Variants in WFIKKN2 observed in about 807,000 individuals in gnomAD.
The protein encoded by WFIKKN2 is WAP, follistatin/kazal, immunoglobulin, kunitz and netrin domain containing 2, also known as WAP, Kazal, immunoglobulin, Kunitz and NTR domain-containing protein 2.
WFIKKN2 carries 25 observed loss-of-function variants against 39.2 expected under a neutral mutation model. That is an observed-to-expected ratio of 0.64 (90% CI 0.47 to 0.89). The LOEUF (loss-of-function observed/expected upper bound fraction) is 0.89, where lower values mean the gene tolerates loss of function less well. Among genes scored for constraint, WFIKKN2 ranks in the 40% least tolerant of loss-of-function variants. The probability of loss-of-function intolerance (pLI) is 0.00; values close to 1 mark genes in which losing one functional copy is unlikely to be tolerated. For missense variants in WFIKKN2, 770 were observed against 811.7 expected (o/e 0.95, Z 0.62); for synonymous variants, 345 against 329.7 (o/e 1.05, Z -0.50).
chr17:50,838,771 G>A (rs946127810), intron 1 of WFIKKN2, among the ~76,000 whole-genome samples: 6 of 152,118 alleles, frequency 3.9e-5, no homozygotes, highest in Admixed American at 2.0e-4. Flanking sequence ...GGCCCGTCAC[G>A]CCTGCCCTGA....
In WFIKKN2 at chr17:50,836,008, T is replaced by G; in HGVS notation, c.71T>G (p.Leu24Arg). 6.2e-7 allele frequency: 1 copy of G among 1,604,164 alleles called. No individual in the cohort carries two copies. The change falls in exon 1 of 2, where the codon CTA (leucine) becomes CGA (arginine). Residue 24 changes from leucine (L) to arginine (R), a missense_variant. Physicochemically the swap from Leu to Arg is moderately radical, Grantham distance 102. Coordinates refer to ENST00000311378, the MANE Select transcript of WFIKKN2 (RefSeq NM_175575.6). ...GTGGCAGCGCTGCTGCTGCTGCTGC[T>G]ACTGCTCGGGGTGCCCCCGCGAAGC... is the stretch of plus-strand genomic sequence containing the variant. Reference protein sequence around the residue: ...EQVAALLLLLLLLGVPPRSLA... With the variant: ...EQVAALLLLLRLLGVPPRSLA...
In WFIKKN2 at chr17:50,840,612, A is replaced by C; in HGVS notation, c.1324A>C (p.Asn442His). The change falls in exon 2 of 2, where the codon AAC becomes CAC. Residue 442 changes from asparagine to histidine, a missense_variant. By Grantham distance (68) the Asn-to-His change is moderately conservative (BLOSUM62 1). Transcript: ENST00000311378. ...CEESCPFPRG[N>H]QRCRACKPRQ... ...GGAGTCGTGCCCCTTCCCCAGGGGG[A>C]ACCAGCGCTGTCGGGCCTGCAAGCC... 1 of 1,613,972 alleles carries C rather than the reference A, an allele frequency of 6.2e-7. No individual in the cohort carries two copies. The highest frequency in any genetic ancestry group is 8.5e-7 in the Non-Finnish European group (1 of 1,180,022).
rs1195392013 is a variant in WFIKKN2, at chr17:50,840,414, C to T, written c.1126C>T (p.Leu376=). 2 of 1,613,946 alleles carry T rather than the reference C, an allele frequency of 1.2e-6. No homozygotes were observed. The highest frequency in any genetic ancestry group is 2.7e-5 in the African/African-American group (2 of 74,948). ...NHFETYEACM[L]ACMSGPLAAC... ...CTTTGAGACCTATGAGGCCTGCATG[C>T]TGGCCTGCATGAGCGGGCCGCTGGC... Residue 376 remains leucine (L), a synonymous_variant, in exon 2 of 2, where the codon CTG becomes TTG. Coordinates refer to ENST00000311378, the MANE Select transcript of WFIKKN2 (RefSeq NM_175575.6).
rs761369901 is a variant in WFIKKN2, at chr17:50,840,009, A to G, written c.721A>G (p.Ile241Val). The G allele has an allele frequency of 2.5e-6, 4 of 1,614,246 alleles. No homozygotes were observed. The South Asian group carries it at 3.3e-5, about 13-fold the overall frequency. ...TGTGGTGGGCCGGCCCCGGCCTGAG[A>G]TCACCTGGGAGAAGCAGTTGGAGGA... ...CDVVGRPRPE[I>V]TWEKQLEDRE... Residue 241 changes from isoleucine (I) to valine (V), a missense_variant, in exon 2 of 2, where the codon ATC becomes GTC. Ile to Val is a conservative substitution (Grantham distance 29). Coordinates refer to ENST00000311378, the MANE Select transcript of WFIKKN2 (RefSeq NM_175575.6).
Position 50,841,179 on chromosome 17 carries a change from A to C in WFIKKN2, c.*160A>C. 2.9e-6 allele frequency: 2 copies of C among 692,052 alleles called. No individual in the cohort carries two copies. The highest frequency in any genetic ancestry group is 2.3e-6 in the Non-Finnish European group (1 of 441,534). The allele number at this position is 692,052 out of a possible 1,614,324, so 42.9% of individuals were successfully genotyped here. A position where few individuals can be genotyped will look rare whatever the true frequency, so the allele number is the denominator to read the frequency against. ...AAGCCACAGAAGGTCTCAGATCAGC[A>C]TCTATTCTTTGGGTTCAATAAGGGG... On this transcript the variant is annotated 3_prime_UTR_variant, in exon 2 of 2. Coordinates refer to ENST00000311378, the MANE Select transcript of WFIKKN2 (RefSeq NM_175575.6).
In WFIKKN2 at chr17:50,840,386, C is replaced by A. The variant is rs756821685; in HGVS notation, c.1098C>A (p.Asn366Lys). 6.2e-7 allele frequency: 1 copy of A among 1,614,170 alleles called. No homozygotes were observed. ...TCGGCCACTGCCACCGTAACCTCAA[C>A]CACTTTGAGACCTATGAGGCCTGCA... ...FTFGHCHRNLNHFETYEACML... is the reference protein window; with the variant it reads ...FTFGHCHRNLKHFETYEACML... The change falls in exon 2 of 2, where the codon AAC becomes AAA. Residue 366 changes from asparagine to lysine, a missense_variant. Asn to Lys is a moderately conservative substitution (Grantham distance 94). Coordinates refer to ENST00000311378, the MANE Select transcript of WFIKKN2 (RefSeq NM_175575.6).
chr17:50,836,178 C>A, intron 1 of WFIKKN2, 31 bp downstream of exon 1: 1 of 1,601,708 alleles, frequency 6.2e-7, no homozygotes, highest in South Asian at 1.1e-5. Flanking sequence ...AGAGATGGAC[C>A]ACGTGAGCCT....
chr17:50,839,448 C>CCCTCCTTT (rs1346170934), intron 1 of WFIKKN2, 51 bp from the exon 2 acceptor site: 6 of 1,528,656 alleles, frequency 3.9e-6, no homozygotes, highest in Non-Finnish European at 5.3e-6. Flanking sequence ...GATAGGGAGC[C>CCCTCCTTT]CCTCCTTTCC....
Position 50,841,342 on chromosome 17 carries a change from C to T in WFIKKN2, c.*323C>T, listed in dbSNP as rs1027260484. ...ACCCCTGGCTCTCCCAGTCACCCTCCCCTAGCCAGTCTCCCAGCAAGGGTT... is the reference window on the plus strand; with the variant it reads ...ACCCCTGGCTCTCCCAGTCACCCTCTCCTAGCCAGTCTCCCAGCAAGGGTT... On this transcript the variant is annotated 3_prime_UTR_variant, in exon 2 of 2. Transcript: ENST00000311378. 2 of 240,254 alleles carry T rather than the reference C, an allele frequency of 8.3e-6. No homozygotes were observed. The highest frequency in any genetic ancestry group is 4.9e-5 in the Admixed American group (1 of 20,296). 14.9% of individuals were successfully genotyped at this position (240,254 alleles called of 1,614,324 possible).
intron 1 of WFIKKN2, among the ~76,000 whole-genome samples, chr17:50,838,818 C>T (rs1971992096): frequency 6.6e-6 from 1 of 152,194 alleles, no homozygotes; most frequent in Non-Finnish European, 1.5e-5. Flanking sequence ...CTCTCACAGC[C>T]TCTGTTCCCC....
At position 50,835,758 on chromosome 17, in the gene WFIKKN2, C is replaced by A. The variant is rs1971945442; in HGVS notation, c.-180C>A. On this transcript the variant is annotated 5_prime_UTR_variant, in exon 1 of 2. Coordinates refer to ENST00000311378, the MANE Select transcript of WFIKKN2 (RefSeq NM_175575.6). ...TTCTTTTATCTGAAGCCGCACAGCC[C>A]GGCAGGCTGTGCTGACTTGGTGGAG... 1.6e-6 allele frequency: 1 copy of A among 643,166 alleles called. No homozygotes were observed. The highest frequency in any genetic ancestry group is 2.6e-6 in the Non-Finnish European group (1 of 378,696). The allele number at this position is 643,166 out of a possible 1,614,324, so 39.8% of individuals were successfully genotyped here.
chr17:50,835,239 C>T (rs949343357), upstream of WFIKKN2, among the ~76,000 whole-genome samples: 1 of 152,216 alleles, frequency 6.6e-6, no homozygotes, highest in Admixed American at 6.5e-5. Context: ...ACGTCATTTG[C>T]TCTCAAATGT....
Position 50,841,104 on chromosome 17 carries a change from TTAGAC to T in WFIKKN2, c.*86_*90del. 4 of 1,362,208 alleles carry T rather than the reference TTAGAC, an allele frequency of 2.9e-6. No homozygotes were observed. Among genetic ancestry groups the T allele is most frequent in the Non-Finnish European group, 2.9e-6 (3 of 1,019,914 alleles). The allele number at this position is 1,362,208 out of a possible 1,614,324, so 84.4% of individuals were successfully genotyped here. A position where few individuals can be genotyped will look rare whatever the true frequency, so the allele number is the denominator to read the frequency against. ...TCTCAGCAAACTGGGCGAGGTCAGA[TTAGAC>T]AGGCTTGGGACAGCAGGGAAACATC... On this transcript the variant is annotated 3_prime_UTR_variant, in exon 2 of 2. Coordinates refer to ENST00000311378, the MANE Select transcript of WFIKKN2 (RefSeq NM_175575.6).
In WFIKKN2 at chr17:50,842,130, G is replaced by T. The variant is rs1972054172; in HGVS notation, c.*1111G>T. On this transcript the variant is annotated 3_prime_UTR_variant, in exon 2 of 2. Coordinates refer to ENST00000311378, the MANE Select transcript of WFIKKN2 (RefSeq NM_175575.6). ...GCAAAGGATGGGGCAGCTCGTCGAT[G>T]ATTTTTTTGTGTTTCCAGGCTTCCT... 1 of 152,176 alleles carries T rather than the reference G, an allele frequency of 6.6e-6. No individual in the cohort carries two copies. Among genetic ancestry groups the T allele is most frequent in the Admixed American group, 6.5e-5 (1 of 15,274 alleles). The allele number at this position is 152,176 out of a possible 1,614,324, so 9.4% of individuals were successfully genotyped here.
rs1363317080 is a variant in WFIKKN2 at position 50,841,791 on chromosome 17, G to C, written c.*772G>C. 1.3e-5 allele frequency: 2 copies of C among 152,086 alleles called. No homozygotes were observed. Among genetic ancestry groups the C allele is most frequent in the Non-Finnish European group, 2.9e-5 (2 of 68,086 alleles). 9.4% of individuals were successfully genotyped at this position (152,086 alleles called of 1,614,324 possible). Reference sequence around the variant, plus strand: ...GCCCAGTTCTTAGAGCCCCAACACAGATACCCTCATCCCAGGGCCCCCAGA... The same window carrying C: ...GCCCAGTTCTTAGAGCCCCAACACACATACCCTCATCCCAGGGCCCCCAGA... On this transcript the variant is annotated 3_prime_UTR_variant, in exon 2 of 2. Coordinates refer to ENST00000311378, the MANE Select transcript of WFIKKN2 (RefSeq NM_175575.6).
chr17:50,840,352 C>T lies in WFIKKN2; in HGVS notation c.1064C>T (p.Thr355Ile). 6.2e-7 allele frequency: 1 copy of T among 1,614,188 alleles called. No homozygotes were observed. Among genetic ancestry groups the T allele is most frequent in the Non-Finnish European group, 8.5e-7 (1 of 1,180,032 alleles). ...HFDAQANNCL[T>I]FTFGHCHRNL... ...GATGCCCAGGCCAACAACTGCCTGA[C>T]CTTCACCTTCGGCCACTGCCACCGT... The change falls in exon 2 of 2, where the codon ACC (threonine) becomes ATC (isoleucine). Residue 355 changes from threonine (T) to isoleucine (I), a missense_variant. Thr to Ile is a moderately conservative substitution (Grantham distance 89). Transcript: ENST00000311378.
intron 1 of WFIKKN2, among the ~76,000 whole-genome samples, chr17:50,838,640 G>T (rs1266804284): frequency 6.6e-6 from 1 of 152,234 alleles, no homozygotes; most frequent in Non-Finnish European, 1.5e-5. Flanking sequence ...CTCGCTGACG[G>T]CCTTGCTGAC....
upstream of WFIKKN2, chr17:50,835,511 G>T (rs895319927): frequency 5.1e-5 from 9 of 175,938 alleles, no homozygotes; most frequent in Non-Finnish European, 1.1e-4. Flanking sequence ...TGCCAGATAC[G>T]CTGCCTAAAC....
At chr17:50,838,549 C>A (rs1971988541) in intron 1 of WFIKKN2, among the ~76,000 whole-genome samples, 1 of 152,238 alleles carries the variant, frequency 6.6e-6, no homozygotes, top group Non-Finnish European at 1.5e-5. Flanking sequence ...GCTCCAGGAG[C>A]ATGTTGCTAA....
Sources: allele counts gnomAD v4.1 joint callset (sites outside exome capture counted in the v4.1 genomes callset), GRCh38; gene constraint gnomAD v4.1.1; transcripts MANE v1.5; gene names NCBI Gene and HGNC (gene_info 2026-07-23, HGNC 2026-07-21).